Variants in PCCA observed in about 807,000 individuals in gnomAD.
PCCA encodes the protein propionyl-CoA carboxylase subunit alpha, also known as propionyl-CoA carboxylase alpha chain, mitochondrial.
A neutral mutation model predicts 101.3 loss-of-function variants in PCCA; 74 were observed. That is an observed-to-expected ratio of 0.73 (90% CI 0.61 to 0.89). PCCA has a LOEUF of 0.89. Among genes scored for constraint, PCCA ranks in the 40% least tolerant of loss-of-function variants. The pLI is 0.00. For missense variants in PCCA, 891 were observed against 907.0 expected, an observed-to-expected ratio of 0.98 and a Z score of 0.23; for synonymous variants, 294 against 313.6, an observed-to-expected ratio of 0.94 and a Z score of 0.66.
At position 100,394,964 on chromosome 13, in the gene PCCA, G is replaced by A. The variant is rs1163909296; in HGVS notation, c.1746+26390G>A. On this transcript the variant is annotated intron_variant, in intron 19 of 23. Coordinates refer to ENST00000376285, the MANE Select transcript of PCCA (RefSeq NM_000282.4). The surrounding 1 kb of genome is among the most constrained non-coding windows in gnomAD (Gnocchi z 4.3). ...TTCTAATTACATTTCAGGGGGTTGT[G>A]ATCTCTCCCAGAATCCCGTTCATGC... 2.6e-5 allele frequency among the ~76,000 whole-genome samples: 4 copies of A among 152,130 alleles called. No individual in the cohort carries two copies. The East Asian group carries it at 7.7e-4, about 29-fold the overall frequency.
intron 18 of PCCA, among the ~76,000 whole-genome samples, chr13:100,351,364 G>T (rs544147920): frequency 6.6e-6 from 1 of 152,204 alleles, no homozygotes; most frequent in Admixed American, 6.5e-5. Context: ...CTTAAAAAAG[G>T]AATAGATTTG....
Position 100,264,203 on chromosome 13 carries a change from GTGATATCTGTATCTCA to G in PCCA, c.819+1374_819+1389del, listed in dbSNP as rs1360344733. On this transcript the variant is annotated intron_variant, in intron 10 of 23. Transcript: ENST00000376285. The stretch of plus-strand genomic sequence containing the variant: ...TATGTGATATCTGTATATCATATAT[GTGATATCTGTATCTCA>G]TATATATGTGATATCTGTATATCAT... 1.4e-3 allele frequency among the ~76,000 whole-genome samples: 139 copies of G among 95,958 alleles called. 4 individuals carry two copies. Among genetic ancestry groups the G allele is most frequent in the Middle Eastern group, 8.3e-3 (1 of 120 alleles). 63.0% of individuals were successfully genotyped at this position (95,958 alleles called of 152,430 possible).
At chr13:100,211,784 A>C (rs951477102) in intron 7 of PCCA, among the ~76,000 whole-genome samples, 1 of 152,074 alleles carries the variant, frequency 6.6e-6, no homozygotes, top group Non-Finnish European at 1.5e-5. Context: ...TCTATCACCC[A>C]GGCTAGAGTG....
chr13:100,159,783 C>T (rs906653507), intron 6 of PCCA, among the ~76,000 whole-genome samples: 1 of 152,160 alleles, frequency 6.6e-6, no homozygotes, highest in African/African-American at 2.4e-5. Flanking sequence ...CTGGCTCTGC[C>T]CTCAGTGCTT....
chr13:100,310,207 G>T (rs1204554916), intron 16 of PCCA, among the ~76,000 whole-genome samples: 1 of 152,156 alleles, frequency 6.6e-6, no homozygotes, highest in Non-Finnish European at 1.5e-5. Context: ...TAATATTGCT[G>T]TGGAGAGGTC....
At chr13:100,365,946 T>TTGC (rs2152808122) in intron 18 of PCCA, among the ~76,000 whole-genome samples, 1 of 152,278 alleles carries the variant, frequency 6.6e-6, no homozygotes, top group Non-Finnish European at 1.5e-5. Flanking sequence ...GGTAGCTTGG[T>TTGC]TTAAGAGTCT....
At chr13:100,414,135 A>G (rs2152875136) in intron 19 of PCCA, among the ~76,000 whole-genome samples, 1 of 152,348 alleles carries the variant, frequency 6.6e-6, no homozygotes, top group South Asian at 2.1e-4. Context: ...CATTTATAAC[A>G]CATGGATATT....
At chr13:100,326,675 C>T (rs541925574) in intron 16 of PCCA, among the ~76,000 whole-genome samples, 1 of 152,208 alleles carries the variant, frequency 6.6e-6, no homozygotes, top group South Asian at 2.1e-4. Context: ...ACCAGCCCCT[C>T]CTCTTCCTCC....
In PCCA at chr13:100,268,736, G is replaced by A; in HGVS notation, c.867G>A (p.Glu289=). 1.2e-6 allele frequency: 2 copies of A among 1,614,158 alleles called. No individual in the cohort carries two copies. Among genetic ancestry groups the A allele is most frequent in the South Asian group, 1.1e-5 (1 of 91,086 alleles). ...HGNALWLNER[E]CSIQRRNQKV... ...ATGCTTTATGGCTTAATGAAAGAGA[G>A]TGCTCAATTCAGAGAAGAAATCAGA... Residue 289 remains glutamate (E), a synonymous_variant, in exon 11 of 24, where the codon GAG becomes GAA. Transcript: ENST00000376285.
At chr13:100,312,709 A>G (rs1396325991) in intron 16 of PCCA, among the ~76,000 whole-genome samples, 1 of 152,258 alleles carries the variant, frequency 6.6e-6, no homozygotes, top group Non-Finnish European at 1.5e-5. Context: ...ATGACTGAAT[A>G]AATTACAATG....
At chr13:100,227,390 G>A (rs187002241) in intron 7 of PCCA, among the ~76,000 whole-genome samples, 1 of 152,080 alleles carries the variant, frequency 6.6e-6, no homozygotes, top group South Asian at 2.1e-4. Context: ...CTCTTTTCAC[G>A]TTTTTTCTGG....
chr13:100,124,784 T>A (rs2049784946), intron 4 of PCCA, among the ~76,000 whole-genome samples: 2 of 152,222 alleles, frequency 1.3e-5, no homozygotes, highest in African/African-American at 4.8e-5. Context: ...TATCTTTATT[T>A]CATTTTTTAT....
At position 100,303,012 on chromosome 13, in the gene PCCA, C is replaced by G; in HGVS notation, c.1284+14C>G. On this transcript the variant is annotated intron_variant, in intron 14 of 23. Transcript: ENST00000376285. ...CATCTACCTGGTGTAAGTCATTAAG[C>G]TGTAATACCAGCTGAAGGGTTAAAA... 7.0e-7 allele frequency: 1 copy of G among 1,432,378 alleles called. No individual in the cohort carries two copies. Among genetic ancestry groups the G allele is most frequent in the Admixed American group, 1.7e-5 (1 of 59,830 alleles). 88.7% of individuals were successfully genotyped at this position (1,432,378 alleles called of 1,614,324 possible).
At chr13:100,113,424 C>T (rs1271864490) in intron 4 of PCCA, among the ~76,000 whole-genome samples, 1 of 152,134 alleles carries the variant, frequency 6.6e-6, no homozygotes, top group Non-Finnish European at 1.5e-5. Flanking sequence ...TAGGACATTA[C>T]CGTCACTACT....
At chr13:100,359,164 A>G (rs1195635100) in intron 18 of PCCA, among the ~76,000 whole-genome samples, 1 of 151,984 alleles carries the variant, frequency 6.6e-6, no homozygotes, top group Admixed American at 6.6e-5. Context: ...AGCCTCGGTG[A>G]CTTGTGGGCA....
intron 6 of PCCA, among the ~76,000 whole-genome samples, chr13:100,170,976 G>A (rs1462912227): frequency 6.6e-6 from 1 of 152,138 alleles, no homozygotes; most frequent in East Asian, 1.9e-4. Context: ...CAGACACTCT[G>A]AAGTAAACAA....
intron 4 of PCCA, among the ~76,000 whole-genome samples, chr13:100,132,969 C>T (rs879797213): frequency 1.1e-4 from 16 of 152,006 alleles, no homozygotes; most frequent in South Asian, 2.1e-4. Context: ...TTACTAGAGA[C>T]GGGGTTTCAC....
intron 4 of PCCA, among the ~76,000 whole-genome samples, chr13:100,112,644 T>C (rs1241108953): frequency 6.7e-6 from 1 of 148,174 alleles, no homozygotes; most frequent in Non-Finnish European, 1.5e-5. Flanking sequence ...TGGTGTGATC[T>C]CACCTCACTA....
chr13:100,144,061 G>A (rs1478513232), intron 4 of PCCA, among the ~76,000 whole-genome samples: 1 of 151,984 alleles, frequency 6.6e-6, no homozygotes. Flanking sequence ...ACCATGCCCG[G>A]CCCCAGATAT....
Sources: allele counts gnomAD v4.1 joint callset (sites outside exome capture counted in the v4.1 genomes callset), GRCh38; gene constraint gnomAD v4.1.1; non-coding constraint Gnocchi (gnomAD v3.1); transcripts MANE v1.5; gene names NCBI Gene and HGNC (gene_info 2026-07-23, HGNC 2026-07-21).